PREX1: variants seen among roughly 807,000 people sequenced by gnomAD.
PREX1 encodes phosphatidylinositol-3,4,5-trisphosphate dependent Rac exchange factor 1.
Under a neutral mutation model 198.3 loss-of-function variants are expected in PREX1, and 41 were observed. The ratio of observed to expected loss-of-function variants is 0.21; its 90% confidence interval spans 0.16 to 0.27. The LOEUF (loss-of-function observed/expected upper bound fraction) is 0.27, where lower values mean the gene tolerates loss of function less well. PREX1 is among the 10% of genes least tolerant of loss of function. PREX1 has a pLI of 1.00. For synonymous variants in PREX1, 843 were observed against 887.2 expected (o/e 0.95, Z 0.89); for missense variants, 1,620 against 2,200.7 (o/e 0.74, Z 5.28).
intron 21 of PREX1, among the ~76,000 whole-genome samples, chr20:48,651,950 C>G (rs1265843484): frequency 6.6e-6 from 1 of 152,190 alleles, no homozygotes; most frequent in African/African-American, 2.4e-5. Context: ...GACCAGGGAG[C>G]TGAAACGGGC....
At chr20:48,846,915 A>G in the PREX1 span, among the ~76,000 whole-genome samples, 1 of 152,174 alleles carries the variant, frequency 6.6e-6, no homozygotes, top group Non-Finnish European at 1.5e-5. Context: ...AGGACAGGCC[A>G]GAGATGGCTG....
intron 1 of PREX1, among the ~76,000 whole-genome samples, chr20:48,763,733 T>A (rs984738075): frequency 6.6e-6 from 1 of 151,898 alleles, no homozygotes; most frequent in Non-Finnish European, 1.5e-5. Context: ...GTGAGGGAGG[T>A]GCAGCCATGG....
chr20:48,834,476 G>A, the PREX1 span, among the ~76,000 whole-genome samples: 4 of 152,018 alleles, frequency 2.6e-5, no homozygotes, highest in Non-Finnish European at 4.4e-5. Context: ...CTCTGTAGCC[G>A]GCAGAAACAC....
intron 31 of PREX1, 111 bp downstream of exon 31, chr20:48,637,600 C>T: frequency 1.7e-6 from 2 of 1,153,478 alleles, no homozygotes; most frequent in Admixed American, 2.8e-5. Flanking sequence ...TGGAGGGGCT[C>T]CAGGCCAAAG....
At chr20:48,778,885 T>C (rs2090275895) in intron 1 of PREX1, among the ~76,000 whole-genome samples, 1 of 152,032 alleles carries the variant, frequency 6.6e-6, no homozygotes, top group African/African-American at 2.4e-5. Context: ...GGATCACAGA[T>C]CTAAATTCAA....
chr20:48,841,031 C>T, the PREX1 span, among the ~76,000 whole-genome samples: 17 of 151,972 alleles, frequency 1.1e-4, no homozygotes, highest in Admixed American at 1.1e-3. Context: ...AACTCCTAGG[C>T]TCAAGCCTTA....
At chr20:48,648,778 G>T (rs1019567666) in intron 25 of PREX1, among the ~76,000 whole-genome samples, 1 of 152,106 alleles carries the variant, frequency 6.6e-6, no homozygotes, top group African/African-American at 2.4e-5. Flanking sequence ...CCTCCCCAAG[G>T]TGCCATTGAA....
At chr20:48,802,109 AC>A (rs1354575187) in intron 1 of PREX1, among the ~76,000 whole-genome samples, 4 of 152,086 alleles carry the variant, frequency 2.6e-5, no homozygotes, top group African/African-American at 9.7e-5. Flanking sequence ...GCAGCAGAAA[AC>A]AAACTAAGAC....
intron 27 of PREX1, chr20:48,642,690 A>C (rs1057085065): frequency 3.7e-6 from 2 of 542,810 alleles, no homozygotes; most frequent in African/African-American, 3.8e-5. Flanking sequence ...TGCAAAATGG[A>C]CAACAGGCAC....
Position 48,651,431 on chromosome 20 carries a change from C to G in PREX1, c.2620G>C (p.Val874Leu), listed in dbSNP as rs752025821. 9.9e-6 allele frequency: 16 copies of G among 1,611,982 alleles called. No homozygotes were observed. In the African/African-American group the frequency reaches 1.9e-4, roughly 19 times the overall value. Reference protein sequence around the residue: ...GVRCHVLEKIVEPRGCFGLTA... With the variant: ...GVRCHVLEKILEPRGCFGLTA... ...AGGCCGAAGCAGCCGCGGGGCTCCA[C>G]GATCTTCTCCAGCACATGGCACCTG... The change falls in exon 22 of 40, where the codon GTG becomes CTG. Residue 874 changes from valine to leucine, a missense_variant. Transcript: ENST00000371941.
In PREX1 at chr20:48,652,703, G is replaced by T. The variant is rs2089509223; in HGVS notation, c.2350C>A (p.Leu784Met). 1 of 1,611,580 alleles carries T rather than the reference G, an allele frequency of 6.2e-7. No homozygotes were observed. ...TGGGTGTGGTAGATCCACTGGTACA[G>T]GCCCTGCCAGAAGCCAGAGTAAGGG... is the stretch of plus-strand genomic sequence containing the variant. The part of the protein sequence containing the change: ...FRSRREEALG[L>M]YQWIYHTHED... The change falls in exon 21 of 40, where the codon CTG becomes ATG. Residue 784 changes from leucine to methionine, a missense_variant. By Grantham distance (15) the Leu-to-Met change is conservative (BLOSUM62 2). Around this residue, in one of 7 missense-constraint regions of PREX1, gnomAD observed 514 missense variants for 611.6 expected, o/e 0.84. Transcript: ENST00000371941.
chr20:48,640,292 C>T (rs186716851), intron 29 of PREX1, among the ~76,000 whole-genome samples: 183 of 152,304 alleles, frequency 1.2e-3, no homozygotes, highest in African/African-American at 4.3e-3. Flanking sequence ...CTATCCCTTT[C>T]CCTACACAGA....
chr20:48,854,374 G>A, the PREX1 span, among the ~76,000 whole-genome samples: 1 of 152,038 alleles, frequency 6.6e-6, no homozygotes, highest in African/African-American at 2.4e-5. Flanking sequence ...ACAGAGGGAG[G>A]GGCAGAGTGT....
intron 15 of PREX1, among the ~76,000 whole-genome samples, chr20:48,661,444 A>AAAAATATATATAT (rs1555832820): frequency 2.0e-5 from 1 of 49,592 alleles, no homozygotes; most frequent in Non-Finnish European, 3.1e-5. Context: ...AAAAAAAAAA[A>AAAAATATATATAT]ATATATATAT....
intron 1 of PREX1, among the ~76,000 whole-genome samples, chr20:48,803,228 A>T (rs2090395324): frequency 2.0e-5 from 3 of 152,172 alleles, no homozygotes; most frequent in Non-Finnish European, 4.4e-5. Context: ...CTCATGCAAA[A>T]CATGGCTTCC....
At chr20:48,702,607 G>T (rs960991592) in intron 6 of PREX1, among the ~76,000 whole-genome samples, 1 of 152,222 alleles carries the variant, frequency 6.6e-6, no homozygotes, top group Non-Finnish European at 1.5e-5. Context: ...CTTTCCAGAG[G>T]CTGGGGTGGT....
At chr20:48,652,190 G>A (rs1191369804) in intron 21 of PREX1, among the ~76,000 whole-genome samples, 3 of 152,210 alleles carry the variant, frequency 2.0e-5, no homozygotes, top group Non-Finnish European at 4.4e-5. Context: ...CCAGCACTCT[G>A]CGAGGCCGAG....
At position 48,657,132 on chromosome 20, in the gene PREX1, G is replaced by A. The variant is rs747712928; in HGVS notation, c.2031C>T (p.Phe677=). The change falls in exon 18 of 40, where the codon TTC becomes TTT. Residue 677 remains phenylalanine (F), a synonymous_variant. Transcript: ENST00000371941. ...KIYSINEDLV[F]LRPFSEVESI... Reference sequence around the variant, plus strand: ...ACTCCACCTCTGAAAACGGCCGCAGGAACACCAGGTCCTCATTGATGGAGT... The same window carrying A: ...ACTCCACCTCTGAAAACGGCCGCAGAAACACCAGGTCCTCATTGATGGAGT... 6.2e-7 allele frequency: 1 copy of A among 1,613,034 alleles called. No homozygotes were observed. Among genetic ancestry groups the A allele is most frequent in the Non-Finnish European group, 8.5e-7 (1 of 1,179,606 alleles).
chr20:48,678,238 C>T (rs563668855), intron 13 of PREX1, among the ~76,000 whole-genome samples: 9 of 151,848 alleles, frequency 5.9e-5, no homozygotes, highest in South Asian at 2.1e-4. Context: ...CACTTGAACC[C>T]GGCGGAGGTT....
Sources: allele counts gnomAD v4.1 joint callset (sites outside exome capture counted in the v4.1 genomes callset), GRCh38; gene constraint gnomAD v4.1.1; regional missense constraint gnomAD v4.1.1; transcripts MANE v1.5; gene names NCBI Gene and HGNC (gene_info 2026-07-23, HGNC 2026-07-21).